Variants in ZFYVE9 observed in about 807,000 individuals in gnomAD.
The protein encoded by ZFYVE9 is zinc finger FYVE domain-containing protein 9.
A neutral mutation model predicts 126.7 loss-of-function variants in ZFYVE9; 43 were observed. The ratio of observed to expected loss-of-function variants is 0.34; its 90% confidence interval spans 0.27 to 0.44. ZFYVE9 has a LOEUF of 0.44. Among genes scored for constraint, ZFYVE9 ranks in the 20% least tolerant of loss-of-function variants. The pLI is 1.00. For missense variants in ZFYVE9, 1,476 were observed against 1,697.0 expected, an observed-to-expected ratio of 0.87 and a Z score of 2.29; for synonymous variants, 521 against 597.4, an observed-to-expected ratio of 0.87 and a Z score of 1.87.
At chr1:52,187,118 C>T (rs1338912260) in intron 1 of ZFYVE9, among the ~76,000 whole-genome samples, 1 of 152,072 alleles carries the variant, frequency 6.6e-6, no homozygotes, top group Non-Finnish European at 1.5e-5. Context: ...ACAAAACAGA[C>T]ACGTAAACCA....
intron 1 of ZFYVE9, among the ~76,000 whole-genome samples, chr1:52,190,981 A>G (rs1297052962): frequency 1.3e-5 from 2 of 151,952 alleles, no homozygotes; most frequent in Non-Finnish European, 2.9e-5. Context: ...CTTCAGCTGT[A>G]GTACAGTGGC....
At chr1:52,234,841 T>C (rs576219529) in intron 3 of ZFYVE9, among the ~76,000 whole-genome samples, 63 of 152,358 alleles carry the variant, frequency 4.1e-4, no homozygotes, top group Admixed American at 6.5e-4. Flanking sequence ...ATAAGTATTT[T>C]CTTAATCTTT....
intron 16 of ZFYVE9, among the ~76,000 whole-genome samples, chr1:52,339,703 A>G (rs1376693063): frequency 6.6e-6 from 1 of 152,226 alleles, no homozygotes; most frequent in East Asian, 1.9e-4. Context: ...TCAGAAGTTC[A>G]TTTGTAAGTC....
intron 1 of ZFYVE9, among the ~76,000 whole-genome samples, chr1:52,173,981 G>GT (rs36158762): frequency 5.3e-5 from 8 of 150,734 alleles, no homozygotes; most frequent in South Asian, 2.1e-4. Context: ...TTTTTGAAGA[G>GT]TTTTTTTTTG....
intron 1 of ZFYVE9, among the ~76,000 whole-genome samples, chr1:52,149,257 T>G (rs1025579541): frequency 6.6e-6 from 1 of 152,014 alleles, no homozygotes; most frequent in Admixed American, 6.6e-5. Flanking sequence ...ATTTCCTAAC[T>G]GGTTTGAAAA....
At chr1:52,257,071 C>G (rs1246027128) in intron 4 of ZFYVE9, among the ~76,000 whole-genome samples, 1 of 152,072 alleles carries the variant, frequency 6.6e-6, no homozygotes, top group Non-Finnish European at 1.5e-5. Flanking sequence ...GTTATTCACA[C>G]TGTAAGAGGG....
chr1:52,281,072 T>C (rs1171208848), intron 9 of ZFYVE9, among the ~76,000 whole-genome samples: 2 of 151,944 alleles, frequency 1.3e-5, no homozygotes, highest in African/African-American at 4.8e-5. Flanking sequence ...TTAAAAGTTT[T>C]AAGTGCGTTT....
chr1:52,271,924 C>G (rs1173162061), intron 7 of ZFYVE9, among the ~76,000 whole-genome samples: 1 of 152,164 alleles, frequency 6.6e-6, no homozygotes, highest in African/African-American at 2.4e-5. Flanking sequence ...ACTGCAACCT[C>G]CGCCTCCTGG....
At chr1:52,256,486 C>T (rs937785581) in intron 4 of ZFYVE9, among the ~76,000 whole-genome samples, 1 of 151,686 alleles carries the variant, frequency 6.6e-6, no homozygotes, top group African/African-American at 2.4e-5. Context: ...AAGCAATTTT[C>T]CTTGCCTCAG....
intron 7 of ZFYVE9, among the ~76,000 whole-genome samples, chr1:52,273,922 T>G (rs1056464214): frequency 3.9e-5 from 6 of 152,244 alleles, no homozygotes; most frequent in Admixed American, 3.9e-4. Context: ...TTTTTTATTG[T>G]GGAAAAATAT....
At chr1:52,198,516 A>G (rs1644892080) in intron 1 of ZFYVE9, among the ~76,000 whole-genome samples, 1 of 152,214 alleles carries the variant, frequency 6.6e-6, no homozygotes, top group South Asian at 2.1e-4. Flanking sequence ...GTTAAAAGTT[A>G]GAAACAATGC....
rs145993125 is a variant in ZFYVE9, at chr1:52,323,657, T to G, written c.3439-9111T>G. 3.4e-3 allele frequency among the ~76,000 whole-genome samples: 522 copies of G among 152,272 alleles called. 3 individuals carry two copies. The highest frequency in any genetic ancestry group is 0.011 in the African/African-American group (475 of 41,570). ...GGCCAGGCACTTTGCCTCATGCCTG[T>G]AATCCCAGCACATTGGGAGGCCAAG... On this transcript the variant is annotated intron_variant, in intron 13 of 18. Coordinates refer to ENST00000287727, the MANE Select transcript of ZFYVE9 (RefSeq NM_004799.4).
Position 52,297,490 on chromosome 1 carries a change from C to A in ZFYVE9, c.3333+1513C>A, listed in dbSNP as rs58387775. ...CTGACCTCAGGTGATCCACCCATCT[C>A]AACCTCCTAAAGTGCTGGGATTACA... On this transcript the variant is annotated intron_variant, in intron 12 of 18. Transcript: ENST00000287727. 9.1e-3 allele frequency among the ~76,000 whole-genome samples: 1,384 copies of A among 152,084 alleles called. 62 individuals are homozygous for A. In the East Asian group the frequency reaches 0.12, roughly 13 times the overall value.
intron 1 of ZFYVE9, among the ~76,000 whole-genome samples, chr1:52,194,522 A>G (rs1644843634): frequency 6.6e-6 from 1 of 152,220 alleles, no homozygotes. Context: ...ATAATGAAAA[A>G]TACAAATTAG....
At chr1:52,195,506 C>A (rs1180560094) in intron 1 of ZFYVE9, among the ~76,000 whole-genome samples, 2 of 152,180 alleles carry the variant, frequency 1.3e-5, no homozygotes, top group Non-Finnish European at 2.9e-5. Flanking sequence ...AAGAGAAGAT[C>A]TCTGCCCTCT....
chr1:52,311,261 ATTTT>A (rs35243533), intron 13 of ZFYVE9, among the ~76,000 whole-genome samples: 5 of 102,588 alleles, frequency 4.9e-5, no homozygotes, highest in Admixed American at 1.0e-4. Context: ...CCTTGGATTG[ATTTT>A]TTTTTTTTTT....
At chr1:52,178,258 G>GACAGAGCA (rs1362759287) in intron 1 of ZFYVE9, among the ~76,000 whole-genome samples, 6 of 110,818 alleles carry the variant, frequency 5.4e-5, no homozygotes, top group African/African-American at 2.1e-4. Context: ...CAGCCTGGGT[G>GACAGAGCA]ACAGAGCAAG....
At chr1:52,319,460 A>C (rs1646217421) in intron 13 of ZFYVE9, among the ~76,000 whole-genome samples, 1 of 151,968 alleles carries the variant, frequency 6.6e-6, no homozygotes, top group African/African-American at 2.4e-5. Flanking sequence ...CCCCATCTCT[A>C]CTAAAAACAC....
chr1:52,260,457 C>T (rs1165115349), intron 4 of ZFYVE9, among the ~76,000 whole-genome samples: 1 of 151,920 alleles, frequency 6.6e-6, no homozygotes, highest in African/African-American at 2.4e-5. Context: ...TTCTTATTCT[C>T]TTCCTTTTTT....
Sources: allele counts gnomAD v4.1 joint callset (sites outside exome capture counted in the v4.1 genomes callset), GRCh38; gene constraint gnomAD v4.1.1; transcripts MANE v1.5; gene names NCBI Gene and HGNC (gene_info 2026-07-23, HGNC 2026-07-21).